CADM2: variants seen among roughly 807,000 people sequenced by gnomAD.
The protein encoded by CADM2 is cell adhesion molecule 2.
A neutral mutation model predicts 49.8 loss-of-function variants in CADM2; 12 were observed. The ratio of observed to expected loss-of-function variants is 0.24; its 90% CI spans 0.15 to 0.39. CADM2 has a LOEUF of 0.39. Ranked by LOEUF, CADM2 falls within the 10% of genes least tolerant of loss-of-function variation. The pLI, the probability that CADM2 is intolerant of heterozygous loss-of-function variation, is 1.00. For synonymous variants in CADM2, 214 were observed against 175.4 expected (o/e 1.22, Z -1.74); for missense variants, 378 against 492.3 (o/e 0.77, Z 2.20).
chr3:85,907,988 A>G (rs1438552420), intron 5 of CADM2, among the ~76,000 whole-genome samples: 2 of 152,076 alleles, frequency 1.3e-5, no homozygotes, highest in Non-Finnish European at 2.9e-5. Flanking sequence ...GAGAAAGCAA[A>G]TAAACCAAAA....
At chr3:85,199,369 A>AGAGAGAGAGAG (rs1559716313) in intron 1 of CADM2, among the ~76,000 whole-genome samples, 16 of 91,968 alleles carry the variant, frequency 1.7e-4, no homozygotes, top group Admixed American at 4.6e-4. Context: ...GTGTGTGTGT[A>AGAGAGAGAGAG]TGAGAGAGAG....
At chr3:85,344,169 A>G (rs181528385) in intron 1 of CADM2, among the ~76,000 whole-genome samples, 5 of 151,900 alleles carry the variant, frequency 3.3e-5, no homozygotes, top group African/African-American at 1.2e-4. Context: ...AAGTCAGGAG[A>G]TCGAGACCAT....
chr3:85,617,526 G>GA (rs2063831875), intron 1 of CADM2, among the ~76,000 whole-genome samples: 1 of 152,122 alleles, frequency 6.6e-6, no homozygotes, highest in Non-Finnish European at 1.5e-5. Flanking sequence ...GAAGCTCTCT[G>GA]AACCCAGTCC....
At chr3:85,535,534 A>G (rs965538939) in intron 1 of CADM2, among the ~76,000 whole-genome samples, 3 of 104,746 alleles carry the variant, frequency 2.9e-5, no homozygotes, top group African/African-American at 7.6e-5. Context: ...CTTTGCAAGT[A>G]TCTTTTTTGT....
chr3:85,483,073 C>CA (rs1244802448), intron 1 of CADM2, among the ~76,000 whole-genome samples: 2 of 151,244 alleles, frequency 1.3e-5, no homozygotes, highest in Non-Finnish European at 3.0e-5. Flanking sequence ...ATAACTTGGC[C>CA]AAAATATTAA....
rs1739826414 is a variant in CADM2, at chr3:86,071,085, A to G, written c.*4302A>G. ...GTTTTTCTTATTAATGTGACACAGT[A>G]ACATTTTTATTTGGATTAGTTTTTG... On this transcript the variant is annotated 3_prime_UTR_variant, in exon 10 of 10. Coordinates refer to ENST00000383699, the MANE Select transcript of CADM2 (RefSeq NM_001167675.2). 1 of 151,918 alleles carries G rather than the reference A, an allele frequency of 6.6e-6. No homozygotes were observed. The highest frequency in any genetic ancestry group is 2.1e-4 in the South Asian group (1 of 4,836). 9.4% of individuals were successfully genotyped at this position (151,918 alleles called of 1,614,324 possible).
At chr3:85,249,836 A>T (rs1422306758) in intron 1 of CADM2, among the ~76,000 whole-genome samples, 1 of 151,922 alleles carries the variant, frequency 6.6e-6, no homozygotes, top group African/African-American at 2.4e-5. Context: ...TTAACCAGAC[A>T]TTCTTGATAT....
intron 2 of CADM2, among the ~76,000 whole-genome samples, chr3:85,780,106 G>T (rs879581323): frequency 6.6e-6 from 1 of 152,058 alleles, no homozygotes; most frequent in African/African-American, 2.4e-5. Context: ...TCTGAAATGC[G>T]AGTTAAAGTG....
rs397990427 is a variant in CADM2, at chr3:85,859,224, C to CTTTTTTTTTTTTTTTT, written c.239-24056_239-24041dup. Among the ~76,000 whole-genome samples, 30 of 70,606 alleles carry CTTTTTTTTTTTTTTTT rather than the reference C, an allele frequency of 4.2e-4. 1 individual carries two copies. Among genetic ancestry groups the CTTTTTTTTTTTTTTTT allele is most frequent in the Non-Finnish European group, 5.2e-4 (21 of 40,030 alleles). The allele number at this position is 70,606 out of a possible 152,430, so 46.3% of individuals were successfully genotyped here. ...TACCTTGTGCTTTTCTTTTTTTTGT[C>CTTTTTTTTTTTTTTTT]TTTTTTTTTTTTTTTTTTTTTTTTT... is the stretch of plus-strand genomic sequence containing the variant. On this transcript the variant is annotated intron_variant, in intron 3 of 9. Coordinates refer to ENST00000383699, the MANE Select transcript of CADM2 (RefSeq NM_001167675.2).
At chr3:85,374,683 G>A (rs547003919) in intron 1 of CADM2, among the ~76,000 whole-genome samples, 1 of 152,302 alleles carries the variant, frequency 6.6e-6, no homozygotes, top group African/African-American at 2.4e-5. Context: ...CACTCATGGT[G>A]GAAGGCAAGG....
intron 1 of CADM2, among the ~76,000 whole-genome samples, chr3:85,272,652 A>G (rs915514858): frequency 4.0e-5 from 6 of 151,374 alleles, no homozygotes; most frequent in African/African-American, 1.2e-4. Flanking sequence ...TACTAAAAAC[A>G]GTACCAGTTG....
intron 1 of CADM2, among the ~76,000 whole-genome samples, chr3:85,537,920 C>T (rs893784355): frequency 3.3e-5 from 5 of 152,048 alleles, no homozygotes; most frequent in African/African-American, 1.2e-4. Context: ...TGACTCGGGG[C>T]TTGATGGTCA....
At chr3:85,194,270 G>T (rs902505127) in intron 1 of CADM2, among the ~76,000 whole-genome samples, 5 of 152,088 alleles carry the variant, frequency 3.3e-5, no homozygotes, top group Admixed American at 6.6e-5. Flanking sequence ...GCAAGACAAG[G>T]CTCAAGAGAA....
intron 2 of CADM2, among the ~76,000 whole-genome samples, chr3:85,779,185 C>G (rs561727375): frequency 9.3e-5 from 14 of 150,336 alleles, no homozygotes; most frequent in African/African-American, 3.5e-4. Flanking sequence ...CTTGCATTCT[C>G]CTGAGTTAAT....
chr3:85,501,239 G>A (rs1294163362), intron 1 of CADM2, among the ~76,000 whole-genome samples: 1 of 152,086 alleles, frequency 6.6e-6, no homozygotes, highest in East Asian at 1.9e-4. Flanking sequence ...TATTTTACTT[G>A]AAAGATTGGT....
intron 3 of CADM2, among the ~76,000 whole-genome samples, chr3:85,852,878 C>A (rs1201853095): frequency 6.6e-6 from 1 of 152,026 alleles, no homozygotes; most frequent in Non-Finnish European, 1.5e-5. Context: ...ACCTGGCATA[C>A]AACATTCAAT....
chr3:85,965,057 CA>C (rs1276957700), intron 8 of CADM2, among the ~76,000 whole-genome samples: 1 of 151,134 alleles, frequency 6.6e-6, no homozygotes, highest in Non-Finnish European at 1.5e-5. Context: ...CTACCAGGTA[CA>C]AAGGAGCAAA....
At chr3:85,365,199 C>CTTTT (rs397962829) in intron 1 of CADM2, among the ~76,000 whole-genome samples, 60,606 of 104,430 alleles carry the variant, frequency 0.58, 18,282 homozygotes, top group East Asian at 0.77. Context: ...TTTTTTTTTA[C>CTTTT]TTTTTTTTTT....
chr3:85,445,680 C>T (rs1026903384), intron 1 of CADM2, among the ~76,000 whole-genome samples: 9 of 151,924 alleles, frequency 5.9e-5, no homozygotes, highest in African/African-American at 2.2e-4. Flanking sequence ...AAACTTCCAT[C>T]TCAAGGAATT....
Sources: allele counts gnomAD v4.1 joint callset (sites outside exome capture counted in the v4.1 genomes callset), GRCh38; gene constraint gnomAD v4.1.1; transcripts MANE v1.5; gene names NCBI Gene and HGNC (gene_info 2026-07-23, HGNC 2026-07-21).